The following LDB2 variants were observed in gnomAD, a reference collection of about 807,000 sequenced individuals.
LDB2 encodes the protein LIM domain-binding protein 2.
A neutral mutation model predicts 44.3 loss-of-function variants in LDB2; 12 were observed. That is an observed-to-expected ratio of 0.27 (90% CI 0.17 to 0.44). The LOEUF (loss-of-function observed/expected upper bound fraction) is 0.44. Ranked by LOEUF, LDB2 falls within the 20% of genes least tolerant of loss-of-function variation. LDB2 has a pLI of 1.00. For synonymous variants in LDB2, 164 were observed against 174.8 expected (o/e 0.94, Z 0.49); for missense variants, 344 against 473.5 (o/e 0.73, Z 2.54).
At chr4:16,677,333 A>C (rs920981619) in intron 2 of LDB2, among the ~76,000 whole-genome samples, 1 of 152,228 alleles carries the variant, frequency 6.6e-6, no homozygotes, top group African/African-American at 2.4e-5. Flanking sequence ...TATGTGCATA[A>C]AATACGTTAA....
At chr4:16,613,340 T>C (rs1726203872) in intron 2 of LDB2, among the ~76,000 whole-genome samples, 1 of 152,140 alleles carries the variant, frequency 6.6e-6, no homozygotes. Flanking sequence ...TTATTCAACA[T>C]AGTATTGGAA....
At position 16,508,534 on chromosome 4, in the gene LDB2, C is replaced by A. The variant is rs1371152908; in HGVS notation, c.891+1G>T. 4 of 1,562,744 alleles carry A rather than the reference C, an allele frequency of 2.6e-6. No homozygotes were observed. The South Asian group carries it at 4.9e-5, about 19-fold the overall frequency. On this transcript the variant is annotated splice_donor_variant, in intron 7 of 7. Transcript: ENST00000304523. LOFTEE classifies it high-confidence loss of function. ...GGGCCTAAGAGGAAAGCGAGACTTACAGGTACCTGACTGGACAGACTCAGG... is the reference window on the plus strand; with the variant it reads ...GGGCCTAAGAGGAAAGCGAGACTTAAAGGTACCTGACTGGACAGACTCAGG...
intron 5 of LDB2, among the ~76,000 whole-genome samples, chr4:16,563,074 G>A (rs2152383301): frequency 6.6e-6 from 1 of 152,002 alleles, no homozygotes; most frequent in East Asian, 1.9e-4. Flanking sequence ...TGTGGGGTGG[G>A]GGGAGAGGGG....
intron 1 of LDB2, among the ~76,000 whole-genome samples, chr4:16,785,560 T>A (rs1774244514): frequency 6.6e-6 from 1 of 152,142 alleles, no homozygotes; most frequent in Non-Finnish European, 1.5e-5. Context: ...AGCAGCCGCA[T>A]CGGGTGAAAG....
intron 1 of LDB2, among the ~76,000 whole-genome samples, chr4:16,789,351 A>G (rs949490863): frequency 1.3e-5 from 2 of 152,232 alleles, no homozygotes; most frequent in African/African-American, 4.8e-5. Context: ...AGATGGAGGA[A>G]AATGCAGTGA....
intron 2 of LDB2, among the ~76,000 whole-genome samples, chr4:16,733,252 A>G (rs1761132877): frequency 6.6e-6 from 1 of 152,196 alleles, no homozygotes; most frequent in African/African-American, 2.4e-5. Context: ...ACTCATGATT[A>G]TAAGGTGAAT....
At chr4:16,530,059 A>G (rs1256263122) in intron 5 of LDB2, among the ~76,000 whole-genome samples, 2 of 152,198 alleles carry the variant, frequency 1.3e-5, no homozygotes, top group East Asian at 1.9e-4. Flanking sequence ...GGGCCACTAC[A>G]TTTGATGGAG....
At chr4:16,544,074 C>A (rs1734842814) in intron 5 of LDB2, among the ~76,000 whole-genome samples, 1 of 152,020 alleles carries the variant, frequency 6.6e-6, no homozygotes. Context: ...AAACAATAAA[C>A]AAACACATGT....
chr4:16,763,073 CCACA>C (rs57168902), intron 1 of LDB2, among the ~76,000 whole-genome samples: 6,183 of 140,124 alleles, frequency 0.044, 194 homozygotes, highest in East Asian at 0.086. Flanking sequence ...TTAGGTAACA[CCACA>C]CACACACACA....
At chr4:16,503,061 T>A in intron 7 of LDB2, 188 bp from the exon 8 acceptor site, 1 of 1,539,624 alleles carries the variant, frequency 6.5e-7, no homozygotes, top group East Asian at 2.4e-5. Flanking sequence ...CGCCTCCTGA[T>A]GTGTAACAAC....
chr4:16,713,032 G>A (rs768929410), intron 2 of LDB2, among the ~76,000 whole-genome samples: 9 of 152,154 alleles, frequency 5.9e-5, no homozygotes, highest in South Asian at 2.1e-4. Flanking sequence ...AGAAAGGAAC[G>A]AAGTAATGAT....
intron 2 of LDB2, among the ~76,000 whole-genome samples, chr4:16,660,469 A>G (rs546121408): frequency 6.6e-6 from 1 of 152,154 alleles, no homozygotes; most frequent in East Asian, 1.9e-4. Context: ...CATATAGATA[A>G]CCACAACCAC....
intron 5 of LDB2, among the ~76,000 whole-genome samples, chr4:16,519,433 A>G (rs545623176): frequency 1.3e-5 from 2 of 152,114 alleles, no homozygotes; most frequent in African/African-American, 2.4e-5. Context: ...ACCCTGTACT[A>G]TTAACTCGTA....
At position 16,806,385 on chromosome 4, in the gene LDB2, C is replaced by T. The variant is rs73799278; in HGVS notation, c.133-47125G>A. ...TCTTTCTTTGTGTTCTCCAGAGATC[C>T]AGCTCAGTGACTGGCCCATGGTGGG... On this transcript the variant is annotated intron_variant, in intron 1 of 7. Coordinates refer to ENST00000304523, the MANE Select transcript of LDB2 (RefSeq NM_001290.5). 9.9e-4 allele frequency among the ~76,000 whole-genome samples: 151 copies of T among 152,232 alleles called. 1 individual carries two copies. The highest frequency in any genetic ancestry group is 3.5e-3 in the African/African-American group (145 of 41,532).
At chr4:16,683,747 G>C (rs913823697) in intron 2 of LDB2, among the ~76,000 whole-genome samples, 2 of 152,138 alleles carry the variant, frequency 1.3e-5, no homozygotes, top group African/African-American at 4.8e-5. Flanking sequence ...AACCTTCAAG[G>C]CTCAGCAGCT....
intron 5 of LDB2, among the ~76,000 whole-genome samples, chr4:16,528,592 C>T (rs570707229): frequency 2.6e-5 from 4 of 152,190 alleles, no homozygotes; most frequent in Non-Finnish European, 5.9e-5. Context: ...GCAGGGCCTT[C>T]GGCCAGCCTT....
chr4:16,728,982 A>T (rs1760133767), intron 2 of LDB2, among the ~76,000 whole-genome samples: 1 of 152,192 alleles, frequency 6.6e-6, no homozygotes, highest in Non-Finnish European at 1.5e-5. Flanking sequence ...ATCAAATGAG[A>T]TCCCTTTTTT....
At chr4:16,765,308 C>T (rs2109283263) in intron 1 of LDB2, among the ~76,000 whole-genome samples, 1 of 152,342 alleles carries the variant, frequency 6.6e-6, no homozygotes, top group South Asian at 2.1e-4. Context: ...CCTCCAGCAG[C>T]TCACGTGTCA....
At chr4:16,666,193 C>G (rs759791794) in intron 2 of LDB2, among the ~76,000 whole-genome samples, 1 of 152,196 alleles carries the variant, frequency 6.6e-6, no homozygotes, top group African/African-American at 2.4e-5. Flanking sequence ...CACAATAGGG[C>G]TGTGTTTTAT....
Sources: gnomAD v4.1 joint callset for allele counts (sites outside exome capture counted in the v4.1 genomes callset) on GRCh38, gnomAD v4.1.1 for gene constraint, MANE v1.5 for transcripts, NCBI Gene and HGNC (gene_info 2026-07-23, HGNC 2026-07-21) for gene names.